CIB4: variants seen among roughly 807,000 people sequenced by gnomAD.
CIB4 encodes calcium and integrin binding family member 4, also known as calcium and integrin-binding family member 4.
Under a neutral mutation model 25.8 loss-of-function variants are expected in CIB4, and 25 were observed. The ratio of observed to expected loss-of-function variants is 0.97; its 90% confidence interval spans 0.71 to 1.35. CIB4 has a LOEUF of 1.35. Among genes scored for constraint, CIB4 ranks in the 40% most tolerant of loss-of-function variants. The pLI is 0.00. For synonymous variants in CIB4, 75 were observed against 81.4 expected (o/e 0.92, Z 0.42); for missense variants, 235 against 228.2 (o/e 1.03, Z -0.19).
chr2:26,626,855 T>C (rs1442745475), intron 3 of CIB4, among the ~76,000 whole-genome samples: 1 of 152,060 alleles, frequency 6.6e-6, no homozygotes, highest in Non-Finnish European at 1.5e-5. Context: ...AACAGGCTCC[T>C]CACCCATGAC....
At chr2:26,587,442 T>G (rs922242152) in intron 4 of CIB4, among the ~76,000 whole-genome samples, 1 of 152,102 alleles carries the variant, frequency 6.6e-6, no homozygotes, top group Non-Finnish European at 1.5e-5. Flanking sequence ...TGTTATACTG[T>G]CTTTGGCCAC....
intron 3 of CIB4, among the ~76,000 whole-genome samples, chr2:26,614,781 A>C (rs1488572115): frequency 4.6e-5 from 7 of 152,196 alleles, no homozygotes; most frequent in African/African-American, 1.7e-4. Context: ...ATGACCCTGC[A>C]AAGGGGGCTC....
rs146087681 is a variant in CIB4, at chr2:26,585,903, G to A, written c.329-2005C>T. Among the ~76,000 whole-genome samples, 83 of 151,996 alleles carry A rather than the reference G, an allele frequency of 5.5e-4. 1 individual carries two copies. In the East Asian group the frequency reaches 0.014, roughly 26 times the overall value. The stretch of plus-strand genomic sequence containing the variant: ...TACCTCTAGACCTGCTGCACTCACA[G>A]CTGTCCCCTCCCTAGGAAGTGGGAC... On this transcript the variant is annotated intron_variant, in intron 4 of 6. Coordinates refer to ENST00000288861, the MANE Select transcript of CIB4 (RefSeq NM_001029881.3).
intron 3 of CIB4, among the ~76,000 whole-genome samples, chr2:26,596,426 T>A (rs1430430955): frequency 2.0e-5 from 3 of 152,142 alleles, no homozygotes; most frequent in Non-Finnish European, 4.4e-5. Context: ...TTGAAATGGT[T>A]CTTTTTTAAA....
At chr2:26,587,304 CA>C (rs71399396) in intron 4 of CIB4, among the ~76,000 whole-genome samples, 8 of 61,466 alleles carry the variant, frequency 1.3e-4, no homozygotes, top group African/African-American at 3.6e-4. Context: ...GACTCCGTCT[CA>C]AAAAAAAAAA....
intron 4 of CIB4, among the ~76,000 whole-genome samples, chr2:26,591,922 C>T (rs1668593512): frequency 1.3e-5 from 2 of 152,242 alleles, no homozygotes; most frequent in Non-Finnish European, 2.9e-5. Flanking sequence ...AGCTCATGAG[C>T]AGATTCCCCC....
chr2:26,603,895 C>T (rs1311967187), intron 3 of CIB4, among the ~76,000 whole-genome samples: 1 of 150,774 alleles, frequency 6.6e-6, no homozygotes, highest in Non-Finnish European at 1.5e-5. Context: ...CATAGCTCTT[C>T]AGGAGACTGA....
At chr2:26,622,220 G>A (rs1669217283) in intron 3 of CIB4, among the ~76,000 whole-genome samples, 1 of 152,064 alleles carries the variant, frequency 6.6e-6, no homozygotes, top group Admixed American at 6.5e-5. Context: ...AATTAGCTGG[G>A]CATGGTGGCG....
intron 3 of CIB4, among the ~76,000 whole-genome samples, chr2:26,603,244 C>T (rs563626393): frequency 1.6e-3 from 247 of 152,202 alleles, no homozygotes; most frequent in Middle Eastern, 3.4e-3. Context: ...ACGAAAAACA[C>T]GCAATGACTA....
At chr2:26,590,284 A>AAAC (rs1553373370) in intron 4 of CIB4, among the ~76,000 whole-genome samples, 60 of 150,082 alleles carry the variant, frequency 4.0e-4, no homozygotes, top group Non-Finnish European at 6.5e-4. Context: ...AAAAAAAAAA[A>AAAC]CTCACAGGTG....
chr2:26,595,201 C>A lies in CIB4; in HGVS notation c.303G>T (p.Lys101Asn), dbSNP rs112421794. ...CATAGATGCGAAAGGCATACTCAAT[C>A]TTCAGGCTTGGGCAGGCCTGCTCGC... Reference protein sequence around the residue: ...VFSEQACPSLKIEYAFRIYDF... With the variant: ...VFSEQACPSLNIEYAFRIYDF... Residue 101 changes from lysine to asparagine, a missense_variant, in exon 4 of 7, where the codon AAG (lysine) becomes AAT (asparagine). Coordinates refer to ENST00000288861, the MANE Select transcript of CIB4 (RefSeq NM_001029881.3). 6.7e-3 allele frequency: 10,811 copies of A among 1,612,782 alleles called. 35 individuals are homozygous for A. Among genetic ancestry groups the A allele is most frequent in the Non-Finnish European group, 8.2e-3 (9,676 of 1,178,876 alleles).
intron 4 of CIB4, among the ~76,000 whole-genome samples, chr2:26,587,291 C>G (rs1430919099): frequency 8.8e-6 from 1 of 113,740 alleles, no homozygotes; most frequent in Non-Finnish European, 1.7e-5. Context: ...GGCGACAGAG[C>G]AAGACTCCGT....
At position 26,613,500 on chromosome 2, in the gene CIB4, C is replaced by T. The variant is rs1014968622; in HGVS notation, c.186+15910G>A. On this transcript the variant is annotated intron_variant, in intron 3 of 6. Transcript: ENST00000288861. ...AGCCATGCCCTCCCTCCACAGGCAGCTTCTGGGAATGCTGCCTGCAATCCC... is the reference window on the plus strand; with the variant it reads ...AGCCATGCCCTCCCTCCACAGGCAGTTTCTGGGAATGCTGCCTGCAATCCC... Among the ~76,000 whole-genome samples the T allele has an allele frequency of 1.3e-4, 20 of 152,310 alleles. No individual in the cohort carries two copies. The South Asian group carries it at 4.1e-3, about 32-fold the overall frequency.
At chr2:26,619,252 G>A (rs557736946) in intron 3 of CIB4, among the ~76,000 whole-genome samples, 130 of 152,226 alleles carry the variant, frequency 8.5e-4, no homozygotes, top group African/African-American at 3.0e-3. Flanking sequence ...GGCCCTCCCC[G>A]GGGGGTGAGG....
At chr2:26,639,114 C>G (rs564231227) in intron 2 of CIB4, among the ~76,000 whole-genome samples, 62 of 151,800 alleles carry the variant, frequency 4.1e-4, no homozygotes, top group Admixed American at 1.1e-3. Flanking sequence ...TGAGCAGAGG[C>G]GGCCTTGAGG....
At chr2:26,601,231 A>AAAAAT (rs1395827334) in intron 3 of CIB4, among the ~76,000 whole-genome samples, 4 of 17,228 alleles carry the variant, frequency 2.3e-4, no homozygotes, top group African/African-American at 6.0e-4. Flanking sequence ...AAAAAAAAAA[A>AAAAAT]ATATATATAT....
intron 4 of CIB4, among the ~76,000 whole-genome samples, chr2:26,584,586 C>G (rs554408492): frequency 3.5e-4 from 54 of 152,336 alleles, no homozygotes; most frequent in African/African-American, 1.2e-3. Flanking sequence ...TCCCTCCAAC[C>G]CCGTGCATCC....
At chr2:26,636,937 A>G (rs778058792) in intron 2 of CIB4, among the ~76,000 whole-genome samples, 1 of 152,148 alleles carries the variant, frequency 6.6e-6, no homozygotes, top group Non-Finnish European at 1.5e-5. Flanking sequence ...TCATGATGGC[A>G]TGACTTAGTG....
chr2:26,607,316 G>A (rs1162874096), intron 3 of CIB4, among the ~76,000 whole-genome samples: 1 of 152,122 alleles, frequency 6.6e-6, no homozygotes, highest in African/African-American at 2.4e-5. Flanking sequence ...TTTTAATAGT[G>A]CAACTTGCCC....
Sources: gnomAD v4.1 joint callset for allele counts (sites outside exome capture counted in the v4.1 genomes callset) on GRCh38, gnomAD v4.1.1 for gene constraint, MANE v1.5 for transcripts, NCBI Gene and HGNC (gene_info 2026-07-23, HGNC 2026-07-21) for gene names.